Variants in NPTN observed in about 807,000 individuals in gnomAD.
NPTN encodes neuroplastin.
A neutral mutation model predicts 42.7 loss-of-function variants in NPTN; 5 were observed. The ratio of observed to expected loss-of-function variants is 0.12; its 90% CI spans 0.06 to 0.25. The LOEUF is 0.25. Among genes scored for constraint, NPTN ranks in the 10% least tolerant of loss-of-function variants. The pLI, the probability that NPTN is intolerant of heterozygous loss-of-function variation, is 1.00. For missense variants in NPTN, 307 were observed against 525.4 expected (o/e 0.58, Z 4.06); for synonymous variants, 180 against 201.9 (o/e 0.89, Z 0.92).
chr15:73,576,947 T>G (rs933367978), intron 4 of NPTN, among the ~76,000 whole-genome samples: 8 of 152,192 alleles, frequency 5.3e-5, no homozygotes, highest in Non-Finnish European at 1.0e-4. Context: ...AGAGAAAAAT[T>G]ACGCTTCAAA....
At chr15:73,604,821 C>CT (rs1287662456) in intron 1 of NPTN, among the ~76,000 whole-genome samples, 1 of 152,182 alleles carries the variant, frequency 6.6e-6, no homozygotes, top group East Asian at 1.9e-4. Context: ...GCATTCTACT[C>CT]TATTAGGTAA....
At position 73,633,329 on chromosome 15, in the gene NPTN, C is replaced by T. The variant is rs1352927989; in HGVS notation, c.-114G>A. The T allele has an allele frequency of 2.2e-5, 17 of 774,746 alleles. No homozygotes were observed. The East Asian group carries it at 4.9e-4, about 22-fold the overall frequency. The allele number at this position is 774,746 out of a possible 1,614,324, so 48.0% of individuals were successfully genotyped here. A position where few individuals can be genotyped will look rare whatever the true frequency, so the allele number is the denominator to read the frequency against. On this transcript the variant is annotated 5_prime_UTR_variant, in exon 1 of 9. Transcript: ENST00000345330. ...TGCGCGAGGGAGTGAGCGAGGGAGG[C>T]AGCCGCGGCTCGGCTCCGTCCTTCC...
At chr15:73,571,704 C>T (rs1895402965) in intron 5 of NPTN, among the ~76,000 whole-genome samples, 1 of 152,002 alleles carries the variant, frequency 6.6e-6, no homozygotes, top group Non-Finnish European at 1.5e-5. Flanking sequence ...GAGATCCCGG[C>T]AGGGAAAAAA....
intron 1 of NPTN, among the ~76,000 whole-genome samples, chr15:73,625,668 A>G (rs1457852795): frequency 3.3e-5 from 5 of 152,178 alleles, no homozygotes; most frequent in Non-Finnish European, 5.9e-5. Flanking sequence ...ACATGATTAC[A>G]TGTGAACCAA....
intron 1 of NPTN, among the ~76,000 whole-genome samples, chr15:73,598,549 A>G (rs1050707445): frequency 6.6e-6 from 1 of 151,936 alleles, no homozygotes; most frequent in Non-Finnish European, 1.5e-5. Flanking sequence ...GTGCAAGCAT[A>G]CTCTCTCTTA....
chr15:73,580,596 G>GTATATATGTATATACATGT (rs1895988459), intron 4 of NPTN, among the ~76,000 whole-genome samples: 2 of 115,280 alleles, frequency 1.7e-5, no homozygotes, highest in Non-Finnish European at 3.7e-5. Flanking sequence ...TGTTATATAT[G>GTATATATGTATATACATGT]TATATATGTA....
At chr15:73,595,094 C>T (rs1054838488) in intron 2 of NPTN, among the ~76,000 whole-genome samples, 3 of 152,078 alleles carry the variant, frequency 2.0e-5, no homozygotes, top group African/African-American at 7.2e-5. Context: ...GCAGACAATT[C>T]TAAGTAAACT....
chr15:73,580,390 A>AATATATATATT (rs1255969293), intron 4 of NPTN, among the ~76,000 whole-genome samples: 2 of 132,014 alleles, frequency 1.5e-5, no homozygotes, highest in South Asian at 2.2e-4. Flanking sequence ...AAAACTTTAA[A>AATATATATATT]ATATATATAT....
In NPTN at chr15:73,561,897, T is replaced by A. The variant is rs1313020236; in HGVS notation, c.*13A>T. 1 of 1,600,854 alleles carries A rather than the reference T, an allele frequency of 6.2e-7. No individual in the cohort carries two copies. Among genetic ancestry groups the A allele is most frequent in the East Asian group, 2.2e-5 (1 of 44,594 alleles). On this transcript the variant is annotated splice_region_variant and 3_prime_UTR_variant, in exon 8 of 9. Coordinates refer to ENST00000345330, the MANE Select transcript of NPTN (RefSeq NM_012428.4). ...ACTGCTACAGAAGGCCATACTTACA[T>A]TGTAAGCAGTACTTAATTTGTGTTT...
chr15:73,563,086 A>C, intron 7 of NPTN, 150 bp downstream of exon 7: 1 of 606,064 alleles, frequency 1.6e-6, no homozygotes, highest in Non-Finnish European at 2.9e-6. Flanking sequence ...GTTTTTAGTC[A>C]GATCTGTGTC....
chr15:73,627,701 T>C (rs1052041429), intron 1 of NPTN, among the ~76,000 whole-genome samples: 1 of 152,224 alleles, frequency 6.6e-6, no homozygotes, highest in Non-Finnish European at 1.5e-5. Flanking sequence ...AAACAAAAGT[T>C]AGGCCTACTT....
chr15:73,623,224 A>G (rs933314994), intron 1 of NPTN, among the ~76,000 whole-genome samples: 3 of 152,200 alleles, frequency 2.0e-5, no homozygotes, highest in Admixed American at 1.3e-4. Context: ...TAGCTTTTTG[A>G]TAACAAAAAG....
chr15:73,620,603 C>G (rs1898085959), intron 1 of NPTN, among the ~76,000 whole-genome samples: 1 of 152,216 alleles, frequency 6.6e-6, no homozygotes, highest in Admixed American at 6.5e-5. Flanking sequence ...AGATGAAAAA[C>G]TTGTTCTGAG....
chr15:73,583,660 A>G (rs545226180), intron 4 of NPTN, among the ~76,000 whole-genome samples: 12 of 152,294 alleles, frequency 7.9e-5, no homozygotes, highest in African/African-American at 1.9e-4. Flanking sequence ...CAGCTTCATG[A>G]TATTATTATG....
rs559550368 is a variant in NPTN at position 73,587,373 on chromosome 15, C to T, written c.706+151G>A. ...GATGGGGTTTGAATTTAAACCCAGGCAGCCACGATCCTGAGCCTGTGGCCT... is the reference window on the plus strand; with the variant it reads ...GATGGGGTTTGAATTTAAACCCAGGTAGCCACGATCCTGAGCCTGTGGCCT... On this transcript the variant is annotated intron_variant, in intron 4 of 8. Transcript: ENST00000345330. The T allele has an allele frequency of 1.4e-4, 81 of 584,258 alleles. 3 individuals carry two copies. The South Asian group carries it at 1.8e-3, about 13-fold the overall frequency. The allele number at this position is 584,258 out of a possible 1,614,324, so 36.2% of individuals were successfully genotyped here.
chr15:73,563,713 C>T, intron 6 of NPTN: 1 of 214,198 alleles, frequency 4.7e-6, no homozygotes, highest in Non-Finnish European at 8.0e-6. Context: ...GTACATTTAG[C>T]CACACATCCT....
At chr15:73,620,612 A>G (rs1266510639) in intron 1 of NPTN, among the ~76,000 whole-genome samples, 4 of 152,218 alleles carry the variant, frequency 2.6e-5, no homozygotes, top group Non-Finnish European at 5.9e-5. Flanking sequence ...ACTTGTTCTG[A>G]GCCCAGAACC....
chr15:73,628,397 C>T (rs888554298), intron 1 of NPTN, among the ~76,000 whole-genome samples: 9 of 152,206 alleles, frequency 5.9e-5, no homozygotes, highest in Admixed American at 3.3e-4. Context: ...ATTGTACTCT[C>T]ACTGCAAACA....
chr15:73,580,498 A>AAT (rs765769834), intron 4 of NPTN, among the ~76,000 whole-genome samples: 1 of 132,860 alleles, frequency 7.5e-6, no homozygotes, highest in Admixed American at 7.9e-5. Flanking sequence ...TATATACATA[A>AAT]ATATATATAT....
Sources: gnomAD v4.1 joint callset for allele counts (sites outside exome capture counted in the v4.1 genomes callset) on GRCh38, gnomAD v4.1.1 for gene constraint, MANE v1.5 for transcripts, NCBI Gene and HGNC (gene_info 2026-07-23, HGNC 2026-07-21) for gene names.